CENPL: variants seen among roughly 807,000 people sequenced by gnomAD.
CENPL encodes centromere protein L.
A neutral mutation model predicts 35.2 loss-of-function variants in CENPL; 20 were observed. The ratio of observed to expected loss-of-function variants is 0.57; its 90% confidence interval spans 0.40 to 0.83. CENPL has a LOEUF of 0.83. CENPL is among the 40% of genes least tolerant of loss of function. The pLI, the probability that CENPL is intolerant of heterozygous loss-of-function variation, is 0.00. For missense variants in CENPL, 363 were observed against 395.8 expected (o/e 0.92, Z 0.70); for synonymous variants, 140 against 140.6 (o/e 1.00, Z 0.03).
chr1:173,815,627 A>T (rs1369820794), intron 2 of CENPL, among the ~76,000 whole-genome samples: 2 of 152,184 alleles, frequency 1.3e-5, no homozygotes, highest in Non-Finnish European at 1.5e-5. Flanking sequence ...CCTTCAACAA[A>T]ATTCAATAGG....
intron 2 of CENPL, chr1:173,823,172 C>T (rs980867599): frequency 6.6e-6 from 1 of 152,206 alleles, no homozygotes; most frequent in Non-Finnish European, 1.5e-5. Flanking sequence ...TTCATTGTCA[C>T]CACTTTTATC....
intron 3 of CENPL, among the ~76,000 whole-genome samples, chr1:173,809,681 G>A (rs560558583): frequency 6.6e-6 from 1 of 150,452 alleles, no homozygotes; most frequent in East Asian, 1.9e-4. Flanking sequence ...CTCAAAAGAA[G>A]ACATACATGA....
intron 2 of CENPL, among the ~76,000 whole-genome samples, chr1:173,813,543 T>A (rs1470135128): frequency 6.6e-6 from 1 of 152,150 alleles, no homozygotes; most frequent in African/African-American, 2.4e-5. Flanking sequence ...AGAAAAGAAT[T>A]TTCAACCCAG....
At chr1:173,810,722 C>T (rs1650729472) in intron 3 of CENPL, among the ~76,000 whole-genome samples, 1 of 152,070 alleles carries the variant, frequency 6.6e-6, no homozygotes, top group African/African-American at 2.4e-5. Context: ...AGATCGAGAC[C>T]ATCCTGGCTA....
At chr1:173,817,481 C>T (rs1363547161) in intron 2 of CENPL, among the ~76,000 whole-genome samples, 1 of 152,066 alleles carries the variant, frequency 6.6e-6, no homozygotes, top group African/African-American at 2.4e-5. Flanking sequence ...GTTAGAATGG[C>T]GATCATTAAA....
At chr1:173,804,348 C>G (rs1650023237) in intron 4 of CENPL, among the ~76,000 whole-genome samples, 1 of 152,234 alleles carries the variant, frequency 6.6e-6, no homozygotes, top group Non-Finnish European at 1.5e-5. Flanking sequence ...ATACATAGTA[C>G]TAAGTTCAAT....
At chr1:173,810,096 A>G (rs765630318) in intron 3 of CENPL, among the ~76,000 whole-genome samples, 1 of 152,232 alleles carries the variant, frequency 6.6e-6, no homozygotes, top group African/African-American at 2.4e-5. Flanking sequence ...AATAGCAAAG[A>G]CATGGAATCA....
rs1650923586 is a variant in CENPL at position 173,812,407 on chromosome 1, C to T, written c.-7-1101G>A. 2.0e-5 allele frequency among the ~76,000 whole-genome samples: 3 copies of T among 152,198 alleles called. No homozygotes were observed. In the South Asian group the frequency reaches 6.2e-4, roughly 31 times the overall value. On this transcript the variant is annotated intron_variant, in intron 2 of 5. Coordinates refer to ENST00000682279, the MANE Select transcript of CENPL (RefSeq NM_001387287.1). ...CCCGTGTAGCCTAATTGGGAGACAC[C>T]TCCCAGTAGGGGCCGACTGACACCT...
At chr1:173,821,440 C>T (rs530207174) in intron 2 of CENPL, among the ~76,000 whole-genome samples, 7 of 152,028 alleles carry the variant, frequency 4.6e-5, no homozygotes, top group Non-Finnish European at 8.8e-5. Flanking sequence ...AAGAGAAATG[C>T]TATGAATCCC....
chr1:173,810,871 C>T (rs1021702568), intron 3 of CENPL, among the ~76,000 whole-genome samples: 3 of 152,068 alleles, frequency 2.0e-5, no homozygotes, highest in Non-Finnish European at 2.9e-5. Context: ...GAGCCAAGAT[C>T]GCGCCACTGC....
chr1:173,820,051 T>C (rs1176861259), intron 2 of CENPL, among the ~76,000 whole-genome samples: 1 of 152,124 alleles, frequency 6.6e-6, no homozygotes, highest in South Asian at 2.1e-4. Flanking sequence ...GAGCATCCCT[T>C]ACCCAAAATG....
At chr1:173,820,351 C>G (rs1651828024) in intron 2 of CENPL, among the ~76,000 whole-genome samples, 6 of 151,778 alleles carry the variant, frequency 4.0e-5, no homozygotes, top group Admixed American at 3.9e-4. Context: ...ACAGCAAGAC[C>G]CCATCTTTCA....
At chr1:173,822,636 ATT>A (rs1417569316) in intron 2 of CENPL, 1 of 151,602 alleles carries the variant, frequency 6.6e-6, no homozygotes, top group Non-Finnish European at 1.5e-5. Flanking sequence ...CTTCCTTTTC[ATT>A]TTCTTTCCCC....
At chr1:173,821,771 C>T in intron 2 of CENPL, 1 of 155,736 alleles carries the variant, frequency 6.4e-6, no homozygotes. Flanking sequence ...ACTTGTATCT[C>T]CCCTGGACAC....
At chr1:173,815,380 C>CA (rs1198823682) in intron 2 of CENPL, among the ~76,000 whole-genome samples, 1 of 152,008 alleles carries the variant, frequency 6.6e-6, no homozygotes, top group Non-Finnish European at 1.5e-5. Flanking sequence ...AGAGACACAA[C>CA]AAAAAAAGAG....
At chr1:173,816,806 A>G (rs1300794461) in intron 2 of CENPL, among the ~76,000 whole-genome samples, 2 of 152,190 alleles carry the variant, frequency 1.3e-5, no homozygotes, top group African/African-American at 2.4e-5. Flanking sequence ...ACCAAAAGCA[A>G]TGGCAACAAA....
At chr1:173,823,894 G>C (rs572763803) in intron 2 of CENPL, 32 bp downstream of exon 2, 1 of 152,276 alleles carries the variant, frequency 6.6e-6, no homozygotes, top group South Asian at 2.1e-4. Context: ...CAAAGTTAAA[G>C]CAGGTCCGGG....
intron 3 of CENPL, among the ~76,000 whole-genome samples, chr1:173,810,747 C>T (rs1396791091): frequency 1.3e-5 from 2 of 151,836 alleles, no homozygotes; most frequent in African/African-American, 4.8e-5. Context: ...GGTGAAACCC[C>T]GTCTCTACTA....
chr1:173,808,051 A>C (rs1650402326), intron 3 of CENPL, among the ~76,000 whole-genome samples: 1 of 152,202 alleles, frequency 6.6e-6, no homozygotes, highest in Non-Finnish European at 1.5e-5. Context: ...TAGAAACCTC[A>C]AACTATAGAT....
Sources: gnomAD v4.1 joint callset for allele counts (sites outside exome capture counted in the v4.1 genomes callset) on GRCh38, gnomAD v4.1.1 for gene constraint, MANE v1.5 for transcripts, NCBI Gene and HGNC (gene_info 2026-07-23, HGNC 2026-07-21) for gene names.